The following CYLD variants were observed in gnomAD, a reference collection of about 807,000 sequenced individuals.
CYLD encodes the protein ubiquitin carboxyl-terminal hydrolase CYLD.
A neutral mutation model predicts 104.5 loss-of-function variants in CYLD; 26 were observed. That is an observed-to-expected ratio of 0.25 (90% CI 0.18 to 0.35). CYLD has a LOEUF of 0.35. Ranked by LOEUF, CYLD falls within the 10% of genes least tolerant of loss-of-function variation. The pLI is 1.00. For missense variants in CYLD, 703 were observed against 1,136.1 expected, an observed-to-expected ratio of 0.62 and a Z score of 5.48; for synonymous variants, 385 against 399.9, an observed-to-expected ratio of 0.96 and a Z score of 0.45.
Position 50,794,619 on chromosome 16 carries a change from G to GTTTT in CYLD, c.2686+199_2686+202dup. The GTTTT allele has an allele frequency of 1.1e-5, 6 of 539,988 alleles. No individual in the cohort carries two copies. The highest frequency in any genetic ancestry group is 3.3e-5 in the East Asian group (1 of 30,384). 33.4% of individuals were successfully genotyped at this position (539,988 alleles called of 1,614,324 possible). A position where few individuals can be genotyped will look rare whatever the true frequency, so the allele number is the denominator to read the frequency against. ...GCTGAACTAAGGAATAATATGCTGT[G>GTTTT]TTTTTTTTTTTCCTTTTTTGAGATG... On this transcript the variant is annotated intron_variant, in intron 18 of 18. Transcript: ENST00000427738. The surrounding 1 kb of genome is among the most constrained non-coding windows in gnomAD (Gnocchi z 4.1).
intron 6 of CYLD, 118 bp downstream of exon 6, chr16:50,775,292 G>T: frequency 1.3e-6 from 1 of 787,688 alleles, no homozygotes; most frequent in South Asian, 1.7e-5. Context: ...AGTATTCTAT[G>T]ATCATTGCTG....
chr16:50,754,084 A>G (rs1158412288), intron 4 of CYLD, among the ~76,000 whole-genome samples: 1 of 152,226 alleles, frequency 6.6e-6, no homozygotes, highest in African/African-American at 2.4e-5. Flanking sequence ...GGGGTTTACT[A>G]TCACTTGGTT....
At chr16:50,796,216 C>A in intron 18 of CYLD, 108 bp from the exon 19 acceptor site, 2 of 1,065,316 alleles carry the variant, frequency 1.9e-6, no homozygotes, top group South Asian at 1.4e-5. Context: ...AAAATAAAGG[C>A]TTTTAGAGCC....
At chr16:50,779,377 C>T (rs1300257710) in intron 8 of CYLD, among the ~76,000 whole-genome samples, 1 of 152,080 alleles carries the variant, frequency 6.6e-6, no homozygotes, top group African/African-American at 2.4e-5. Context: ...ACTGCCTTCT[C>T]AATTAATTGT....
Position 50,784,021 on chromosome 16 carries a change from A to G in CYLD, c.1827-308A>G, listed in dbSNP as rs8062540. The G allele has an allele frequency of 0.38, 131,103 of 345,192 alleles. 26,411 individuals carry two copies. The highest frequency in any genetic ancestry group is 0.42 in the Non-Finnish European group (74,567 of 178,840). The allele number at this position is 345,192 out of a possible 1,614,324, so 21.4% of individuals were successfully genotyped here. On this transcript the variant is annotated intron_variant, in intron 11 of 18. Transcript: ENST00000427738. The stretch of plus-strand genomic sequence containing the variant: ...ACTGATATTTGTAGTCTCTCTATCA[A>G]CTTTTGCAAAGAAGTTTTCTTTCTT...
chr16:50,801,008 A>C lies in CYLD; in HGVS notation c.*4500A>C, dbSNP rs934771364. ...TGAAGACCAGGATTCTGCGGGTGTC[A>C]GGGGATTGCCCCTCTTGACAGAGAC... On this transcript the variant is annotated 3_prime_UTR_variant, in exon 19 of 19. Coordinates refer to ENST00000427738, the MANE Select transcript of CYLD (RefSeq NM_001378743.1). 1.7e-4 allele frequency: 40 copies of C among 233,548 alleles called. No individual in the cohort carries two copies. The Admixed American group carries it at 2.0e-3, about 12-fold the overall frequency. The allele number at this position is 233,548 out of a possible 1,614,324, so 14.5% of individuals were successfully genotyped here.
intron 12 of CYLD, chr16:50,785,253 C>T (rs970121028): frequency 1.3e-5 from 2 of 151,988 alleles, no homozygotes; most frequent in Non-Finnish European, 2.9e-5. Context: ...AATTTGAATC[C>T]TTTTATATAC....
chr16:50,774,041 C>T (rs1969413737), intron 5 of CYLD, among the ~76,000 whole-genome samples: 1 of 152,214 alleles, frequency 6.6e-6, no homozygotes, highest in Non-Finnish European at 1.5e-5. Flanking sequence ...TCCTGCCAGG[C>T]TACCTTCAAA....
chr16:50,749,992 G>C lies in CYLD; in HGVS notation c.294G>C (p.Glu98Asp). 1 of 1,614,050 alleles carries C rather than the reference G, an allele frequency of 6.2e-7. No homozygotes were observed. The highest frequency in any genetic ancestry group is 8.5e-7 in the Non-Finnish European group (1 of 1,179,928). The change falls in exon 3 of 19, where the codon GAG becomes GAC. Residue 98 changes from glutamate (E) to aspartate (D), a missense_variant. This residue lies in a region of CYLD where 142 missense variants were observed against 165.1 expected (regional missense o/e 0.86). Transcript: ENST00000427738. ...TAGAGATAAATGAAAAGTTCACAGA[G>C]TTACTTTTGGCAATTACCAATTGTG... ...DVVEINEKFT[E>D]LLLAITNCEE...
chr16:50,758,214 G>A (rs111762921), intron 5 of CYLD, among the ~76,000 whole-genome samples: 32 of 152,354 alleles, frequency 2.1e-4, no homozygotes, highest in African/African-American at 7.5e-4. Flanking sequence ...TGACATTTGA[G>A]CTGTTGACAT....
chr16:50,764,685 G>A (rs996470131), intron 5 of CYLD, among the ~76,000 whole-genome samples: 11 of 152,094 alleles, frequency 7.2e-5, no homozygotes, highest in East Asian at 3.9e-4. Context: ...GTCTAAGCCC[G>A]TAGTTCTCAG....
chr16:50,748,266 T>G (rs899918645), intron 2 of CYLD, among the ~76,000 whole-genome samples: 2 of 152,220 alleles, frequency 1.3e-5, no homozygotes, highest in African/African-American at 4.8e-5. Context: ...AGCAGAAAAT[T>G]AATTAAAATA....
chr16:50,757,165 T>TA (rs1967346361), intron 5 of CYLD, among the ~76,000 whole-genome samples: 3 of 152,110 alleles, frequency 2.0e-5, no homozygotes, highest in Admixed American at 2.0e-4. Flanking sequence ...AAAGGGCTAA[T>TA]ACTAGATGAT....
intron 2 of CYLD, chr16:50,744,995 A>C (rs1966052205): frequency 6.6e-6 from 1 of 152,366 alleles, no homozygotes; most frequent in Non-Finnish European, 1.5e-5. Context: ...TCTGTTCAAC[A>C]TGGCTTTAGG....
intron 9 of CYLD, 113 bp downstream of exon 9, chr16:50,780,157 C>A: frequency 7.7e-7 from 1 of 1,294,274 alleles, no homozygotes; most frequent in Non-Finnish European, 1.1e-6. Context: ...AAAGCTATCA[C>A]TGCAGAATAA....
In CYLD at chr16:50,769,297, T is replaced by C. The variant is rs532684792; in HGVS notation, c.914-5869T>C. On this transcript the variant is annotated intron_variant, in intron 5 of 18. Coordinates refer to ENST00000427738, the MANE Select transcript of CYLD (RefSeq NM_001378743.1). ...TGTTTCCAAAGTGGTTGCATTATTT[T>C]ACATTCCCAGAAGCAGTATATGAGA... 9.2e-5 allele frequency among the ~76,000 whole-genome samples: 14 copies of C among 152,368 alleles called. 2 individuals are homozygous for C. The highest frequency in any genetic ancestry group is 3.4e-4 in the African/African-American group (14 of 41,590).
At chr16:50,752,394 A>G (rs748463470) in intron 4 of CYLD, among the ~76,000 whole-genome samples, 17 of 152,128 alleles carry the variant, frequency 1.1e-4, no homozygotes, top group Non-Finnish European at 1.6e-4. Context: ...GATTTTAATA[A>G]TTAGTATAAT....
intron 9 of CYLD, 132 bp from the exon 10 acceptor site, chr16:50,781,114 G>A: frequency 1.1e-6 from 1 of 924,870 alleles, no homozygotes; most frequent in South Asian, 1.3e-5. Context: ...TTCTTGATGA[G>A]GTTCTCAGTA....
At chr16:50,788,986 G>A (rs1971142051) in intron 14 of CYLD, among the ~76,000 whole-genome samples, 1 of 152,148 alleles carries the variant, frequency 6.6e-6, no homozygotes, top group South Asian at 2.1e-4. Flanking sequence ...ATAATAATTT[G>A]CACACAAGCA....
Sources: gnomAD v4.1 joint callset for allele counts (sites outside exome capture counted in the v4.1 genomes callset) on GRCh38, gnomAD v4.1.1 for gene constraint, gnomAD v4.1.1 regional missense constraint, Gnocchi (gnomAD v3.1) non-coding constraint, MANE v1.5 for transcripts, NCBI Gene and HGNC (gene_info 2026-07-23, HGNC 2026-07-21) for gene names.